LUZP1: variants seen among roughly 807,000 people sequenced by gnomAD.
LUZP1 encodes filamin mechanobinding actin cross-linking protein.
LUZP1 carries 25 observed loss-of-function variants against 71.3 expected under a neutral mutation model. The observed-to-expected ratio is 0.35, with a 90% CI of 0.26 to 0.49. The LOEUF (loss-of-function observed/expected upper bound fraction) is 0.49, where lower values mean the gene tolerates loss of function less well. Among genes scored for constraint, LUZP1 ranks in the 20% least tolerant of loss-of-function variants. The pLI, the probability that LUZP1 is intolerant of heterozygous loss-of-function variation, is 0.99. For missense variants in LUZP1, 1,142 were observed against 1,300.8 expected (o/e 0.88, Z 1.88); for synonymous variants, 481 against 506.4 (o/e 0.95, Z 0.67).
At chr1:23,135,292 G>A (rs755441887) in intron 2 of LUZP1, among the ~76,000 whole-genome samples, 50 of 152,202 alleles carry the variant, frequency 3.3e-4, no homozygotes, top group Non-Finnish European at 6.3e-4. Flanking sequence ...GTCAGGTTTT[G>A]CCAGGAAGCA....
exon 5 of LUZP1, chr1:23,084,325 G>A (rs866096287): frequency 6.6e-6 from 1 of 152,174 alleles, no homozygotes; most frequent in South Asian, 2.1e-4. Flanking sequence ...TCAGCTTCTA[G>A]GTGTGGGAAG....
chr1:23,091,562 C>G, exon 4 of LUZP1: 1 of 1,614,192 alleles, frequency 6.2e-7, no homozygotes, highest in Non-Finnish European at 8.5e-7. Flanking sequence ...GGCTTTTCCA[C>G]CTGATTGTCT....
At chr1:23,118,319 AC>A (rs1327743000) in intron 2 of LUZP1, among the ~76,000 whole-genome samples, 1 of 151,844 alleles carries the variant, frequency 6.6e-6, no homozygotes, top group Non-Finnish European at 1.5e-5. Flanking sequence ...AATTGCTTGA[AC>A]CCGGGAGGCG....
At chr1:23,117,439 A>G (rs1445107923) in intron 2 of LUZP1, among the ~76,000 whole-genome samples, 1 of 83,274 alleles carries the variant, frequency 1.2e-5, no homozygotes, top group Non-Finnish European at 2.1e-5. Context: ...CACTGTACAC[A>G]TTCTTTTTTT....
intron 2 of LUZP1, among the ~76,000 whole-genome samples, chr1:23,135,353 A>C (rs1230595458): frequency 6.6e-6 from 1 of 152,248 alleles, no homozygotes; most frequent in Non-Finnish European, 1.5e-5. Flanking sequence ...TTACATACAA[A>C]GAACTATGGA....
intron 2 of LUZP1, among the ~76,000 whole-genome samples, chr1:23,128,732 T>C (rs1366791620): frequency 2.0e-5 from 3 of 152,238 alleles, no homozygotes; most frequent in African/African-American, 2.4e-5. Context: ...CCTCAATATA[T>C]TGTTTCACTT....
intron 3 of LUZP1, among the ~76,000 whole-genome samples, chr1:23,105,295 C>T (rs1347967959): frequency 6.6e-6 from 1 of 151,896 alleles, no homozygotes; most frequent in Admixed American, 6.5e-5. Flanking sequence ...AATCTGATAG[C>T]CACAGTACCA....
chr1:23,123,080 C>T (rs1340930201), intron 2 of LUZP1, among the ~76,000 whole-genome samples: 1 of 152,226 alleles, frequency 6.6e-6, no homozygotes, highest in Non-Finnish European at 1.5e-5. Flanking sequence ...TAGAAGAATA[C>T]AGCATAAGGA....
chr1:23,146,986 A>G (rs1010426710), intron 2 of LUZP1, among the ~76,000 whole-genome samples: 7 of 151,198 alleles, frequency 4.6e-5, no homozygotes, highest in African/African-American at 1.7e-4. Flanking sequence ...AGTCCCAACT[A>G]CTCGGGAGGC....
chr1:23,117,489 C>T (rs1557653837), intron 2 of LUZP1, among the ~76,000 whole-genome samples: 2 of 66,260 alleles, frequency 3.0e-5, no homozygotes, highest in Non-Finnish European at 5.7e-5. Context: ...CCCCCCCCCC[C>T]CCACAATCAG....
intron 3 of LUZP1, among the ~76,000 whole-genome samples, chr1:23,102,826 A>G (rs770663230): frequency 1.3e-4 from 20 of 152,210 alleles, no homozygotes; most frequent in Non-Finnish European, 2.6e-4. Flanking sequence ...TTTAAAAAGC[A>G]AAAGACAGTG....
At chr1:23,163,604 T>C (rs985304932) in intron 2 of LUZP1, among the ~76,000 whole-genome samples, 3 of 142,532 alleles carry the variant, frequency 2.1e-5, no homozygotes, top group Non-Finnish European at 4.6e-5. Context: ...AGTTGTGCAA[T>C]ACTAAAGGAT....
At chr1:23,152,598 T>C (rs116448753) in intron 2 of LUZP1, among the ~76,000 whole-genome samples, 2,693 of 152,244 alleles carry the variant, frequency 0.018, 35 homozygotes, top group Middle Eastern at 0.031. Flanking sequence ...TGACACAATC[T>C]GGGCTCACTG....
intron 2 of LUZP1, among the ~76,000 whole-genome samples, chr1:23,133,975 A>G (rs574615207): frequency 1.3e-5 from 2 of 152,302 alleles, no homozygotes; most frequent in Admixed American, 1.3e-4. Context: ...CCAAAGGAGA[A>G]TGTTATTAAA....
chr1:23,140,859 C>G (rs191035167), intron 2 of LUZP1: 22 of 152,452 alleles, frequency 1.4e-4, no homozygotes, highest in Middle Eastern at 3.4e-3. Flanking sequence ...CATGATGGAG[C>G]TCAGACCATC....
rs1335986483 is a variant in LUZP1, at chr1:23,147,240, A to G, written c.-226+21526T>C. On this transcript the variant is annotated intron_variant, in intron 2 of 4. Coordinates refer to ENST00000302291, the Ensembl canonical transcript of LUZP1. ...TGGATCACTTTAGGTCAGGGGTTCC[A>G]GAGCAGCCTAACCAACATAGTGAAA... 2.0e-5 allele frequency among the ~76,000 whole-genome samples: 3 copies of G among 151,988 alleles called. No homozygotes were observed. In the East Asian group the frequency reaches 5.8e-4, roughly 29 times the overall value.
intron 2 of LUZP1, among the ~76,000 whole-genome samples, chr1:23,149,319 A>G (rs1644366046): frequency 6.6e-6 from 1 of 152,054 alleles, no homozygotes; most frequent in Non-Finnish European, 1.5e-5. Context: ...AGAGCACTAT[A>G]AGATGTACAG....
chr1:23,131,508 T>G (rs1427206099), intron 2 of LUZP1, among the ~76,000 whole-genome samples: 1 of 152,120 alleles, frequency 6.6e-6, no homozygotes, highest in African/African-American at 2.4e-5. Flanking sequence ...GAGAAGAATT[T>G]TGAGTTCTGT....
chr1:23,128,981 C>T (rs767029753), intron 2 of LUZP1, among the ~76,000 whole-genome samples: 2 of 152,160 alleles, frequency 1.3e-5, no homozygotes, highest in Non-Finnish European at 2.9e-5. Flanking sequence ...CTTTCCTAAG[C>T]TAAAGAGAAA....
Sources: gnomAD v4.1 joint callset for allele counts (sites outside exome capture counted in the v4.1 genomes callset) on GRCh38, gnomAD v4.1.1 for gene constraint, MANE v1.5 for transcripts, NCBI Gene and HGNC (gene_info 2026-07-23, HGNC 2026-07-21) for gene names.